The following TJP1 variants were observed in gnomAD, a reference collection of about 807,000 sequenced individuals.
The protein encoded by TJP1 is tight junction protein ZO-1.
TJP1 carries 43 observed loss-of-function variants against 194.2 expected under a neutral mutation model. The observed-to-expected ratio is 0.22, with a 90% CI of 0.17 to 0.29. TJP1 has a LOEUF of 0.29. Ranked by LOEUF, TJP1 falls within the 10% of genes least tolerant of loss-of-function variation. The pLI is 1.00. For missense variants in TJP1, 1,971 were observed against 2,185.7 expected (o/e 0.90, Z 1.96); for synonymous variants, 801 against 779.0 (o/e 1.03, Z -0.47).
At chr15:29,736,533 A>C (rs780892339) in intron 11 of TJP1, among the ~76,000 whole-genome samples, 24 of 152,222 alleles carry the variant, frequency 1.6e-4, no homozygotes, top group Non-Finnish European at 3.2e-4. Flanking sequence ...TCTGATTAAA[A>C]TGGGACATAG....
intron 25 of TJP1, among the ~76,000 whole-genome samples, chr15:29,706,804 C>T (rs1047506918): frequency 6.6e-6 from 1 of 152,080 alleles, no homozygotes; most frequent in African/African-American, 2.4e-5. Context: ...GGATTACAGG[C>T]GTCTGCCACC....
At chr15:29,808,562 A>G (rs1434782707) in intron 1 of TJP1, among the ~76,000 whole-genome samples, 2 of 152,322 alleles carry the variant, frequency 1.3e-5, no homozygotes, top group East Asian at 3.9e-4. Context: ...AATAAATCAA[A>G]TATGCTTCCA....
At chr15:29,815,058 G>A (rs536349321) in intron 1 of TJP1, among the ~76,000 whole-genome samples, 86 of 152,212 alleles carry the variant, frequency 5.7e-4, no homozygotes, top group Admixed American at 1.2e-3. Flanking sequence ...CCATGCTTAG[G>A]ATATAAGATA....
intron 2 of TJP1, among the ~76,000 whole-genome samples, chr15:29,876,069 C>T (rs557938246): frequency 2.1e-4 from 32 of 152,214 alleles, no homozygotes; most frequent in African/African-American, 7.5e-4. Flanking sequence ...TTCAAATAAC[C>T]CATAGTCTCA....
intron 8 of TJP1, among the ~76,000 whole-genome samples, chr15:29,745,697 A>G (rs1566943605): frequency 6.6e-6 from 1 of 152,250 alleles, no homozygotes; most frequent in Admixed American, 6.5e-5. Flanking sequence ...AGCACAGTAC[A>G]TGAAATCAGG....
intron 2 of TJP1, among the ~76,000 whole-genome samples, chr15:29,793,956 C>T (rs1476483966): frequency 6.6e-6 from 1 of 151,986 alleles, no homozygotes; most frequent in Non-Finnish European, 1.5e-5. Context: ...TTTTTTGTTG[C>T]GTCTTTGTCT....
At chr15:29,959,736 A>G (rs998088516) in intron 1 of TJP1, among the ~76,000 whole-genome samples, 1 of 152,140 alleles carries the variant, frequency 6.6e-6, no homozygotes, top group African/African-American at 2.4e-5. Flanking sequence ...GACATTCTTT[A>G]TTGTTTACTC....
intron 23 of TJP1, 33 bp downstream of exon 23, chr15:29,716,578 T>C: frequency 6.8e-7 from 1 of 1,479,648 alleles, no homozygotes; most frequent in Non-Finnish European, 9.4e-7. Flanking sequence ...ATATGCTGCA[T>C]CCTATTTTTA....
In TJP1 at chr15:29,741,547, T is replaced by A. The variant is rs1312555185; in HGVS notation, c.1151-111A>T. ...TTCAGAGAACCTGATGAGGAACATA[T>A]CTACCATATGTATTAGAGTACATTT... On this transcript the variant is annotated intron_variant, in intron 9 of 27. Transcript: ENST00000614355. 3 of 699,716 alleles carry A rather than the reference T, an allele frequency of 4.3e-6. No individual in the cohort carries two copies. The African/African-American group carries it at 5.4e-5, about 13-fold the overall frequency. The allele number at this position is 699,716 out of a possible 1,614,324, so 43.3% of individuals were successfully genotyped here. A position where few individuals can be genotyped will look rare whatever the true frequency, so the allele number is the denominator to read the frequency against.
At chr15:29,884,631 G>A (rs17683519) in intron 2 of TJP1, among the ~76,000 whole-genome samples, 33,556 of 152,116 alleles carry the variant, frequency 0.22, 4,124 homozygotes, top group East Asian at 0.37. Flanking sequence ...GTTCTGCAAC[G>A]TACAGCAATA....
intron 2 of TJP1, among the ~76,000 whole-genome samples, chr15:29,858,826 C>T (rs984122227): frequency 7.9e-5 from 12 of 151,964 alleles, no homozygotes; most frequent in African/African-American, 2.2e-4. Flanking sequence ...GGACTACAGG[C>T]CTGTGCCACC....
intron 26 of TJP1, among the ~76,000 whole-genome samples, chr15:29,704,678 C>T (rs981913488): frequency 3.9e-5 from 6 of 152,196 alleles, no homozygotes; most frequent in African/African-American, 1.4e-4. Flanking sequence ...TAGCTAGCCA[C>T]GTGCAGGCAG....
chr15:29,915,742 T>C (rs2054163382), intron 2 of TJP1, among the ~76,000 whole-genome samples: 1 of 152,158 alleles, frequency 6.6e-6, no homozygotes, highest in African/African-American at 2.4e-5. Flanking sequence ...AAATTTTAGA[T>C]ATTGAAGATC....
intron 2 of TJP1, among the ~76,000 whole-genome samples, chr15:29,954,282 GC>G: frequency 6.6e-6 from 1 of 152,174 alleles, no homozygotes; most frequent in South Asian, 2.1e-4. Context: ...TCTCTGTAAA[GC>G]TTTTTGTCTG....
intron 4 of TJP1, among the ~76,000 whole-genome samples, chr15:29,768,918 C>T (rs1430439424): frequency 6.6e-6 from 1 of 151,912 alleles, no homozygotes; most frequent in East Asian, 1.9e-4. Flanking sequence ...CATGTAAGTA[C>T]TAGAAAAAAA....
chr15:29,801,972 C>T (rs1394893222), intron 1 of TJP1, among the ~76,000 whole-genome samples: 3 of 151,640 alleles, frequency 2.0e-5, no homozygotes, highest in African/African-American at 7.3e-5. Context: ...ACCTGTGAAC[C>T]ACGGGTTGGA....
intron 8 of TJP1, among the ~76,000 whole-genome samples, chr15:29,754,498 C>T (rs1488435398): frequency 2.6e-5 from 4 of 152,028 alleles, no homozygotes; most frequent in Non-Finnish European, 5.9e-5. Flanking sequence ...TGCATATGTA[C>T]CCCTAAACCT....
At chr15:29,953,879 T>C (rs899675166) in intron 2 of TJP1, among the ~76,000 whole-genome samples, 1 of 152,124 alleles carries the variant, frequency 6.6e-6, no homozygotes, top group African/African-American at 2.4e-5. Context: ...TCTTCAGAAG[T>C]AGAAAACCAA....
At chr15:29,816,572 T>C (rs1357873879) in intron 1 of TJP1, among the ~76,000 whole-genome samples, 1 of 152,200 alleles carries the variant, frequency 6.6e-6, no homozygotes, top group Non-Finnish European at 1.5e-5. Context: ...CAAACTTCAG[T>C]GACTTCTCAC....
Sources: gnomAD v4.1 joint callset for allele counts (sites outside exome capture counted in the v4.1 genomes callset) on GRCh38, gnomAD v4.1.1 for gene constraint, MANE v1.5 for transcripts, NCBI Gene and HGNC (gene_info 2026-07-23, HGNC 2026-07-21) for gene names.